Variants in RFTN1 observed in about 807,000 individuals in gnomAD.
RFTN1 encodes the protein raftlin, lipid raft linker 1, also known as raftlin.
RFTN1 carries 26 observed loss-of-function variants against 46.5 expected under a neutral mutation model. The observed-to-expected ratio is 0.56, with a 90% CI of 0.41 to 0.78. The LOEUF (loss-of-function observed/expected upper bound fraction) is 0.78, where lower values mean the gene tolerates loss of function less well. Among genes scored for constraint, RFTN1 ranks in the 30% least tolerant of loss-of-function variants. RFTN1 has a pLI of 0.00. For missense variants in RFTN1, 693 were observed against 718.7 expected, an observed-to-expected ratio of 0.96 and a Z score of 0.41; for synonymous variants, 261 against 284.2, an observed-to-expected ratio of 0.92 and a Z score of 0.82.
chr3:16,364,981 G>A (rs1259693814), intron 6 of RFTN1, among the ~76,000 whole-genome samples: 1 of 151,910 alleles, frequency 6.6e-6, no homozygotes. Context: ...AAGCCACTGA[G>A]CTATATCCTA....
Position 16,479,663 on chromosome 3 carries a change from T to C in RFTN1, c.145+14062A>G, listed in dbSNP as rs1305364246. 6.6e-6 allele frequency among the ~76,000 whole-genome samples: 1 copy of C among 152,234 alleles called. No homozygotes were observed. The highest frequency in any genetic ancestry group is 2.4e-5 in the African/African-American group (1 of 41,464). ...GCTCAGGGCATCTTTGATGCATCTATTAAGGCCTTAAAAGTTCAGCCTGTT... is the reference window on the plus strand; with the variant it reads ...GCTCAGGGCATCTTTGATGCATCTACTAAGGCCTTAAAAGTTCAGCCTGTT... On this transcript the variant is annotated intron_variant, in intron 2 of 9. Transcript: ENST00000334133. This position sits in a 1 kb window ranked among gnomAD's most constrained non-coding sequence, Gnocchi z 5.1.
chr3:16,456,318 C>T (rs1345180350), intron 2 of RFTN1, among the ~76,000 whole-genome samples: 1 of 152,128 alleles, frequency 6.6e-6, no homozygotes, highest in Non-Finnish European at 1.5e-5. Flanking sequence ...AGAATAAAGA[C>T]CCCATCTTCG....
At chr3:16,412,400 G>A (rs1196960890) in intron 3 of RFTN1, among the ~76,000 whole-genome samples, 3 of 152,210 alleles carry the variant, frequency 2.0e-5, no homozygotes, top group African/African-American at 7.2e-5. Flanking sequence ...CCTCACAGAG[G>A]AAGAGCTGAA....
At chr3:16,360,343 T>C (rs1486296479) in intron 6 of RFTN1, among the ~76,000 whole-genome samples, 1 of 152,142 alleles carries the variant, frequency 6.6e-6, no homozygotes, top group Admixed American at 6.5e-5. Context: ...GCTAATTTTT[T>C]ATTATTTGTA....
chr3:16,340,629 G>A (rs1010034883), intron 7 of RFTN1, among the ~76,000 whole-genome samples: 1 of 152,238 alleles, frequency 6.6e-6, no homozygotes, highest in Admixed American at 6.5e-5. Flanking sequence ...AACATTTAAT[G>A]GAGATGAGTG....
rs2125298518 is a variant in RFTN1, at chr3:16,344,429, C to G, written c.1146+13503G>C. On this transcript the variant is annotated intron_variant, in intron 7 of 9. Coordinates refer to ENST00000334133, the MANE Select transcript of RFTN1 (RefSeq NM_015150.2). This position sits in a 1 kb window ranked among gnomAD's most constrained non-coding sequence, Gnocchi z 4.4. ...ACAGATACATTCAGAAAAGGCGGCT[C>G]TGGTTGACACTGGCATGGGTGGGTG... Among the ~76,000 whole-genome samples the G allele has an allele frequency of 6.6e-6, 1 of 152,156 alleles. No individual in the cohort carries two copies. Among genetic ancestry groups the G allele is most frequent in the East Asian group, 1.9e-4 (1 of 5,188 alleles).
At chr3:16,411,824 T>G (rs867730125) in intron 3 of RFTN1, among the ~76,000 whole-genome samples, 2 of 152,190 alleles carry the variant, frequency 1.3e-5, no homozygotes, top group Non-Finnish European at 2.9e-5. Context: ...GAAATATCCA[T>G]TGAGATTTCA....
At chr3:16,436,448 C>T (rs916376536) in intron 2 of RFTN1, among the ~76,000 whole-genome samples, 1 of 151,866 alleles carries the variant, frequency 6.6e-6, no homozygotes, top group African/African-American at 2.4e-5. Context: ...ACTCTACCTC[C>T]TGGGTTCAAG....
Position 16,447,985 on chromosome 3 carries a change from C to T in RFTN1, c.146-13948G>A, listed in dbSNP as rs77274807. On this transcript the variant is annotated intron_variant, in intron 2 of 9. Coordinates refer to ENST00000334133, the MANE Select transcript of RFTN1 (RefSeq NM_015150.2). This position sits in a 1 kb window ranked among gnomAD's most constrained non-coding sequence, Gnocchi z 5.9. Reference sequence around the variant, plus strand: ...CTCTCTTCCTCTCTCCTTCTTTTCTCTCTTTTTTCTTTTCTTCCTCCCTTC... The same window carrying T: ...CTCTCTTCCTCTCTCCTTCTTTTCTTTCTTTTTTCTTTTCTTCCTCCCTTC... Among the ~76,000 whole-genome samples, 803 of 152,138 alleles carry T rather than the reference C, an allele frequency of 5.3e-3. 9 individuals carry two copies. The highest frequency in any genetic ancestry group is 0.018 in the African/African-American group (756 of 41,514).
At chr3:16,503,188 G>A (rs1438978487) in intron 1 of RFTN1, among the ~76,000 whole-genome samples, 4 of 152,014 alleles carry the variant, frequency 2.6e-5, no homozygotes, top group Admixed American at 6.6e-5. Context: ...GCCACCCTTC[G>A]CTAAAAATAG....
At chr3:16,487,355 A>G (rs1005171823) in intron 2 of RFTN1, among the ~76,000 whole-genome samples, 1 of 152,238 alleles carries the variant, frequency 6.6e-6, no homozygotes, top group Non-Finnish European at 1.5e-5. Flanking sequence ...GTTATGACTT[A>G]GAGACACAGA....
intron 7 of RFTN1, among the ~76,000 whole-genome samples, chr3:16,331,761 CTTT>C (rs1050791028): frequency 6.6e-6 from 1 of 152,108 alleles, no homozygotes; most frequent in Non-Finnish European, 1.5e-5. Flanking sequence ...GGTATGTTCT[CTTT>C]TTTTGGTTTC....
Position 16,475,108 on chromosome 3 carries a change from C to T in RFTN1, c.145+18617G>A, listed in dbSNP as rs2076259947. Among the ~76,000 whole-genome samples the T allele has an allele frequency of 6.6e-6, 1 of 152,182 alleles. No individual in the cohort carries two copies. On this transcript the variant is annotated intron_variant, in intron 2 of 9. Transcript: ENST00000334133. This position sits in a 1 kb window ranked among gnomAD's most constrained non-coding sequence, Gnocchi z 4.2. ...TTAAAAGAGCATGGCACCTCCTCGT[C>T]TCTTGCTTCCTCTCTCACCATGTGA...
chr3:16,461,522 T>C (rs1008879687), intron 2 of RFTN1, among the ~76,000 whole-genome samples: 4 of 152,140 alleles, frequency 2.6e-5, no homozygotes, highest in African/African-American at 4.8e-5. Flanking sequence ...GAACACACTA[T>C]CACACTATAA....
At chr3:16,441,387 T>A (rs781623537) in intron 2 of RFTN1, among the ~76,000 whole-genome samples, 2 of 151,596 alleles carry the variant, frequency 1.3e-5, no homozygotes, top group Non-Finnish European at 2.9e-5. Context: ...TTAACACTCC[T>A]GGGATAAAGT....
At position 16,327,646 on chromosome 3, in the gene RFTN1, A is replaced by G. The variant is rs1247358306; in HGVS notation, c.1147-770T>C. On this transcript the variant is annotated intron_variant, in intron 7 of 9. Coordinates refer to ENST00000334133, the MANE Select transcript of RFTN1 (RefSeq NM_015150.2). This position sits in a 1 kb window ranked among gnomAD's most constrained non-coding sequence, Gnocchi z 4.2. The stretch of plus-strand genomic sequence containing the variant: ...CCTGGTGGCGGGCGCCTGTAGTCCC[A>G]GCTACTCGGGAGGCTGAGGCAGGAG... Among the ~76,000 whole-genome samples the G allele has an allele frequency of 6.6e-6, 1 of 152,094 alleles. No homozygotes were observed. Among genetic ancestry groups the G allele is most frequent in the Non-Finnish European group, 1.5e-5 (1 of 68,022 alleles).
intron 2 of RFTN1, among the ~76,000 whole-genome samples, chr3:16,490,236 A>G (rs1191585613): frequency 6.6e-6 from 1 of 152,256 alleles, no homozygotes; most frequent in Non-Finnish European, 1.5e-5. Context: ...CAAAATGTCA[A>G]AAGGACAGTA....
chr3:16,369,158 A>G (rs2073381060), intron 6 of RFTN1, among the ~76,000 whole-genome samples: 1 of 152,254 alleles, frequency 6.6e-6, no homozygotes, highest in Non-Finnish European at 1.5e-5. Flanking sequence ...TAGAATTCAG[A>G]ATGGTCTCTA....
chr3:16,436,356 AAATTT>A (rs1361115151), intron 2 of RFTN1, among the ~76,000 whole-genome samples: 4 of 143,848 alleles, frequency 2.8e-5, no homozygotes, highest in South Asian at 2.1e-4. Flanking sequence ...ATGAAAAAAA[AAATTT>A]TTTTTTTTTT....
Sources: allele counts gnomAD v4.1 joint callset (sites outside exome capture counted in the v4.1 genomes callset), GRCh38; gene constraint gnomAD v4.1.1; non-coding constraint Gnocchi (gnomAD v3.1); transcripts MANE v1.5; gene names NCBI Gene and HGNC (gene_info 2026-07-23, HGNC 2026-07-21).